The following TTBK2 variants were observed in gnomAD, a reference collection of about 807,000 sequenced individuals.
TTBK2 encodes the protein tau-tubulin kinase 2.
A neutral mutation model predicts 110.8 loss-of-function variants in TTBK2; 28 were observed. That is an observed-to-expected ratio of 0.25 (90% CI 0.19 to 0.35). The LOEUF (loss-of-function observed/expected upper bound fraction) is 0.35. Among genes scored for constraint, TTBK2 ranks in the 10% least tolerant of loss-of-function variants. The pLI, the probability that TTBK2 is intolerant of heterozygous loss-of-function variation, is 1.00. For synonymous variants in TTBK2, 532 were observed against 527.3 expected (o/e 1.01, Z -0.12); for missense variants, 1,369 against 1,500.3 (o/e 0.91, Z 1.45).
At chr15:42,830,476 C>A (rs1425461309) in intron 4 of TTBK2, among the ~76,000 whole-genome samples, 1 of 152,110 alleles carries the variant, frequency 6.6e-6, no homozygotes, top group Non-Finnish European at 1.5e-5. Flanking sequence ...GCATGAACCA[C>A]TGCACCCAGC....
At chr15:42,877,966 G>A (rs999044138) in intron 2 of TTBK2, among the ~76,000 whole-genome samples, 3 of 151,256 alleles carry the variant, frequency 2.0e-5, no homozygotes, top group African/African-American at 4.9e-5. Context: ...ATGAGAACAT[G>A]GAGGTTCATT....
rs1318274339 is a variant in TTBK2, at chr15:42,743,219, G to C, written c.*2576C>G. The stretch of plus-strand genomic sequence containing the variant: ...CTTAAACGATGGACTGTTTATCTCT[G>C]GATCTTGATGAGTTTGTCAATGCCA... On this transcript the variant is annotated 3_prime_UTR_variant, in exon 15 of 15. Transcript: ENST00000267890. 6.6e-6 allele frequency: 1 copy of C among 152,148 alleles called. No individual in the cohort carries two copies. The highest frequency in any genetic ancestry group is 1.9e-4 in the East Asian group (1 of 5,200). 9.4% of individuals were successfully genotyped at this position (152,148 alleles called of 1,614,324 possible). A position where few individuals can be genotyped will look rare whatever the true frequency, so the allele number is the denominator to read the frequency against.
intron 1 of TTBK2, among the ~76,000 whole-genome samples, chr15:42,906,331 G>A (rs879732250): frequency 4.6e-5 from 7 of 152,108 alleles, no homozygotes; most frequent in Admixed American, 3.9e-4. Context: ...ATATTTGCAC[G>A]GAGGCCCAGA....
chr15:42,792,320 T>C (rs1257182200), intron 10 of TTBK2, among the ~76,000 whole-genome samples: 2 of 152,246 alleles, frequency 1.3e-5, no homozygotes, highest in African/African-American at 4.8e-5. Flanking sequence ...TGTATAATTA[T>C]TGTGTAGCCA....
At chr15:42,779,420 A>AG (rs1555423183) in intron 11 of TTBK2, among the ~76,000 whole-genome samples, 10 of 151,916 alleles carry the variant, frequency 6.6e-5, no homozygotes, top group East Asian at 1.9e-4. Context: ...AAAAAAAAAA[A>AG]AAAGAAAGAA....
chr15:42,777,831 G>C (rs1889999525), intron 11 of TTBK2, among the ~76,000 whole-genome samples: 1 of 152,172 alleles, frequency 6.6e-6, no homozygotes. Flanking sequence ...TATATAAGGA[G>C]TGTGGTGACA....
At chr15:42,882,931 A>G (rs1343646436) in intron 1 of TTBK2, among the ~76,000 whole-genome samples, 1 of 152,188 alleles carries the variant, frequency 6.6e-6, no homozygotes, top group Non-Finnish European at 1.5e-5. Flanking sequence ...AAAATCTGGA[A>G]TAACAGCAAT....
At chr15:42,757,274 TAA>T (rs57813709) in intron 13 of TTBK2, among the ~76,000 whole-genome samples, 5 of 145,138 alleles carry the variant, frequency 3.4e-5, no homozygotes, top group South Asian at 2.2e-4. Context: ...ACCAGCTAAT[TAA>T]AAAAAAAAAA....
chr15:42,902,718 C>T (rs1453236471), intron 1 of TTBK2, among the ~76,000 whole-genome samples: 1 of 151,928 alleles, frequency 6.6e-6, no homozygotes. Context: ...CAGGGCCAGG[C>T]GCAGTGGCTC....
intron 11 of TTBK2, among the ~76,000 whole-genome samples, chr15:42,780,551 C>T (rs1305867794): frequency 6.6e-6 from 1 of 151,472 alleles, no homozygotes; most frequent in Non-Finnish European, 1.5e-5. Flanking sequence ...TGTTTAAATC[C>T]CCAGTAAGTA....
At chr15:42,801,592 GCTGCGGTTGGCAATCTCCTCGTA>G (rs1567032219) in intron 9 of TTBK2, 2 of 778,386 alleles carry the variant, frequency 2.6e-6, no homozygotes, top group Non-Finnish European at 4.7e-6. Flanking sequence ...CCTCAGCCTG[GCTGCGGTTGGCAATCTCCTCGTA>G]CTGCACCTTG....
At chr15:42,764,019 T>TA (rs1889235838) in intron 13 of TTBK2, among the ~76,000 whole-genome samples, 1 of 152,196 alleles carries the variant, frequency 6.6e-6, no homozygotes, top group Admixed American at 6.5e-5. Context: ...AAAGATGGAC[T>TA]AAAACAAAAA....
chr15:42,896,471 TA>T (rs1895672919), intron 1 of TTBK2, among the ~76,000 whole-genome samples: 1 of 151,966 alleles, frequency 6.6e-6, no homozygotes, highest in African/African-American at 2.4e-5. Flanking sequence ...ACTCATAATG[TA>T]TCACAGACCT....
At chr15:42,791,704 G>A (rs1395814937) in intron 10 of TTBK2, among the ~76,000 whole-genome samples, 2 of 152,134 alleles carry the variant, frequency 1.3e-5, no homozygotes, top group African/African-American at 4.8e-5. Flanking sequence ...GTTCTTGCTT[G>A]GATGTTTAAT....
chr15:42,866,971 G>T (rs533856684), intron 3 of TTBK2, among the ~76,000 whole-genome samples: 1 of 152,176 alleles, frequency 6.6e-6, no homozygotes, highest in African/African-American at 2.4e-5. Flanking sequence ...TAGGCCGGGC[G>T]CAGTGGCTCA....
chr15:42,799,248 T>C lies in TTBK2; in HGVS notation c.823-4447A>G, dbSNP rs188310837. Among the ~76,000 whole-genome samples, 1,051 of 151,902 alleles carry C rather than the reference T, an allele frequency of 6.9e-3. 4 individuals are homozygous for C. The highest frequency in any genetic ancestry group is 0.014 in the Middle Eastern group (4 of 294). On this transcript the variant is annotated intron_variant, in intron 9 of 14. Coordinates refer to ENST00000267890, the MANE Select transcript of TTBK2 (RefSeq NM_173500.4). Reference sequence around the variant, plus strand: ...AGCCAGGTGTGGTGGCGGGCACCTGTAGTCCCAGCTACTCGGGAGGCTGAG... The same window carrying C: ...AGCCAGGTGTGGTGGCGGGCACCTGCAGTCCCAGCTACTCGGGAGGCTGAG...
intron 10 of TTBK2, among the ~76,000 whole-genome samples, chr15:42,789,026 C>T (rs1214786133): frequency 6.6e-6 from 1 of 152,140 alleles, no homozygotes; most frequent in Non-Finnish European, 1.5e-5. Flanking sequence ...TGACAAAGAG[C>T]AGCTAAAATC....
intron 4 of TTBK2, among the ~76,000 whole-genome samples, chr15:42,838,353 G>GGTGTGT (rs376921873): frequency 8.8e-5 from 13 of 148,032 alleles, no homozygotes; most frequent in South Asian, 2.1e-4. Context: ...TATAATTCAG[G>GGTGTGT]GTGTGTGTGT....
At chr15:42,893,933 C>A (rs1895567334) in intron 1 of TTBK2, among the ~76,000 whole-genome samples, 1 of 152,146 alleles carries the variant, frequency 6.6e-6, no homozygotes, top group Admixed American at 6.6e-5. Flanking sequence ...CCTTAATAGT[C>A]CTACTAAAAA....
Sources: allele counts gnomAD v4.1 joint callset (sites outside exome capture counted in the v4.1 genomes callset), GRCh38; gene constraint gnomAD v4.1.1; transcripts MANE v1.5; gene names NCBI Gene and HGNC (gene_info 2026-07-23, HGNC 2026-07-21).